ADAMTS18: variants seen among roughly 807,000 people sequenced by gnomAD.
ADAMTS18 encodes the protein ADAM metallopeptidase with thrombospondin type 1 motif 18.
ADAMTS18 carries 157 observed loss-of-function variants against 165.9 expected under a neutral mutation model. The ratio of observed to expected loss-of-function variants is 0.95; its 90% confidence interval spans 0.83 to 1.08. The LOEUF (loss-of-function observed/expected upper bound fraction) is 1.08. Among genes scored for constraint, ADAMTS18 ranks in the 50% least tolerant of loss-of-function variants. ADAMTS18 has a pLI of 0.00. For synonymous variants in ADAMTS18, 782 were observed against 578.2 expected (o/e 1.35, Z -5.06); for missense variants, 2,040 against 1,534.0 (o/e 1.33, Z -5.51).
At chr16:77,284,125 T>C (rs1322973576) in intron 22 of ADAMTS18, 54 bp from the exon 23 acceptor site, 10 of 661,772 alleles carry the variant, frequency 1.5e-5, no homozygotes, top group African/African-American at 8.9e-5. Context: ...TCCTTTTTCT[T>C]TTTTTTTTTT....
At chr16:77,303,906 T>C (rs1054305862) in intron 16 of ADAMTS18, among the ~76,000 whole-genome samples, 4 of 152,120 alleles carry the variant, frequency 2.6e-5, no homozygotes, top group African/African-American at 9.7e-5. Context: ...GGTGGGCACC[T>C]GTAGTCCCAC....
rs28538330 is a variant in ADAMTS18 at position 77,394,884 on chromosome 16, T to C, written c.496-27161A>G. ...GGTGAGCCAACTGGGCCATCCTCACTCTTGAGTGCACAGCAAAACTGCAAG... is the reference window on the plus strand; with the variant it reads ...GGTGAGCCAACTGGGCCATCCTCACCCTTGAGTGCACAGCAAAACTGCAAG... On this transcript the variant is annotated intron_variant, in intron 3 of 22. Coordinates refer to ENST00000282849, the MANE Select transcript of ADAMTS18 (RefSeq NM_199355.4). Among the ~76,000 whole-genome samples, 328 of 152,316 alleles carry C rather than the reference T, an allele frequency of 2.2e-3. 1 individual carries two copies. The highest frequency in any genetic ancestry group is 7.4e-3 in the African/African-American group (308 of 41,594).
At chr16:77,303,228 G>A (rs2055619127) in intron 16 of ADAMTS18, among the ~76,000 whole-genome samples, 1 of 152,234 alleles carries the variant, frequency 6.6e-6, no homozygotes, top group South Asian at 2.1e-4. Flanking sequence ...CACTCGTGTG[G>A]TTGAAGTCAA....
At chr16:77,377,609 G>C (rs2056971449) in intron 3 of ADAMTS18, among the ~76,000 whole-genome samples, 1 of 152,184 alleles carries the variant, frequency 6.6e-6, no homozygotes, top group Admixed American at 6.5e-5. Flanking sequence ...CTAATTCACA[G>C]ATAGTACAAA....
At chr16:77,314,589 G>A (rs2144624227) in intron 16 of ADAMTS18, among the ~76,000 whole-genome samples, 1 of 138,598 alleles carries the variant, frequency 7.2e-6, no homozygotes, top group South Asian at 2.3e-4. Flanking sequence ...TCCAGCCTGG[G>A]CAACAAGAGC....
intron 7 of ADAMTS18, among the ~76,000 whole-genome samples, chr16:77,360,197 T>C (rs2056691989): frequency 6.6e-6 from 1 of 152,320 alleles, no homozygotes; most frequent in African/African-American, 2.4e-5. Flanking sequence ...GGAAATCTAA[T>C]ACAAAGGCAC....
intron 3 of ADAMTS18, among the ~76,000 whole-genome samples, chr16:77,375,214 G>A (rs528547602): frequency 3.3e-5 from 5 of 152,164 alleles, no homozygotes; most frequent in East Asian, 1.9e-4. Context: ...AAAAGACGGG[G>A]TTTCACCACA....
At chr16:77,426,302 G>T (rs532658977) in intron 3 of ADAMTS18, among the ~76,000 whole-genome samples, 4 of 152,046 alleles carry the variant, frequency 2.6e-5, no homozygotes, top group African/African-American at 9.6e-5. Flanking sequence ...CCATTGTGTT[G>T]ATGTTTTTCA....
Position 77,358,590 on chromosome 16 carries a change from C to T in ADAMTS18, c.1322+728G>A, listed in dbSNP as rs79906862. Reference sequence around the variant, plus strand: ...AAAAGAAAAAAGATAGCAGCACCAACATATAAAAATACCAACTATGGTTAC... The same window carrying T: ...AAAAGAAAAAAGATAGCAGCACCAATATATAAAAATACCAACTATGGTTAC... On this transcript the variant is annotated intron_variant, in intron 8 of 22. Transcript: ENST00000282849. Among the ~76,000 whole-genome samples, 768 of 152,194 alleles carry T rather than the reference C, an allele frequency of 5.0e-3. 4 individuals are homozygous for T. The highest frequency in any genetic ancestry group is 0.017 in the African/African-American group (716 of 41,534).
chr16:77,431,269 C>T, intron 3 of ADAMTS18, 26 bp downstream of exon 3: 1 of 1,613,820 alleles, frequency 6.2e-7, no homozygotes, highest in Non-Finnish European at 8.5e-7. Flanking sequence ...AAAGAGGGAG[C>T]TCAACTCAGA....
intron 16 of ADAMTS18, among the ~76,000 whole-genome samples, chr16:77,312,643 A>G (rs1462034469): frequency 6.6e-6 from 1 of 152,238 alleles, no homozygotes; most frequent in Non-Finnish European, 1.5e-5. Flanking sequence ...TGACATACAG[A>G]GCTATGCATG....
chr16:77,334,825 A>ATATACTATAGTATACAGTATATATACTG (rs2056278342), intron 12 of ADAMTS18, among the ~76,000 whole-genome samples: 3 of 123,728 alleles, frequency 2.4e-5, no homozygotes, highest in African/African-American at 9.2e-5. Flanking sequence ...TATATATACT[A>ATATACTATAGTATACAGTATATATACTG]TATACTATAG....
chr16:77,427,735 CAAGT>C (rs1317651522), intron 3 of ADAMTS18, among the ~76,000 whole-genome samples: 1 of 152,162 alleles, frequency 6.6e-6, no homozygotes. Context: ...TGAATTATTC[CAAGT>C]AAGTAACAAC....
chr16:77,376,259 T>TA (rs1380821222), intron 3 of ADAMTS18, among the ~76,000 whole-genome samples: 2 of 152,232 alleles, frequency 1.3e-5, no homozygotes, highest in Admixed American at 6.5e-5. Context: ...GGGTATGTGC[T>TA]ACACACTTTT....
chr16:77,419,150 G>C (rs1417090733), intron 3 of ADAMTS18, among the ~76,000 whole-genome samples: 3 of 95,316 alleles, frequency 3.1e-5, no homozygotes, highest in Non-Finnish European at 8.5e-5. Context: ...CTCCATCTCA[G>C]GGGGAAAAAA....
At chr16:77,349,443 C>A (rs2056523119) in intron 10 of ADAMTS18, among the ~76,000 whole-genome samples, 1 of 150,516 alleles carries the variant, frequency 6.6e-6, no homozygotes, top group African/African-American at 2.5e-5. Context: ...TTCCCCTGCC[C>A]CACTGTGTCT....
At chr16:77,393,583 C>T (rs952263391) in intron 3 of ADAMTS18, among the ~76,000 whole-genome samples, 1 of 152,156 alleles carries the variant, frequency 6.6e-6, no homozygotes. Flanking sequence ...AAAGAGGTCC[C>T]AGAGAGCTGC....
At position 77,319,928 on chromosome 16, in the gene ADAMTS18, G is replaced by A. The variant is rs747236559; in HGVS notation, c.2453C>T (p.Thr818Met). The change falls in exon 16 of 23, where the codon ACG becomes ATG. Residue 818 changes from threonine (T) to methionine (M), a missense_variant. Physicochemically the swap from Thr to Met is moderately conservative, Grantham distance 81. Transcript: ENST00000282849. ...WPGEFPFAGT[T>M]FEYQRSFNRP... ...GTTGAAAGAGCGCTGGTATTCAAAC[G>A]TGGTCCCAGCGAAGGGGAACTCCCC... 3.1e-6 allele frequency: 5 copies of A among 1,614,166 alleles called. No homozygotes were observed. Among genetic ancestry groups the A allele is most frequent in the South Asian group, 1.1e-5 (1 of 91,082 alleles).
intron 11 of ADAMTS18, among the ~76,000 whole-genome samples, chr16:77,338,789 TA>T (rs560820096): frequency 6.6e-6 from 1 of 150,766 alleles, no homozygotes; most frequent in African/African-American, 2.4e-5. Flanking sequence ...TCATCTCTAA[TA>T]AAAAATAGAA....
Sources: allele counts gnomAD v4.1 joint callset (sites outside exome capture counted in the v4.1 genomes callset), GRCh38; gene constraint gnomAD v4.1.1; transcripts MANE v1.5; gene names NCBI Gene and HGNC (gene_info 2026-07-23, HGNC 2026-07-21).